MACF1: variants seen among roughly 807,000 people sequenced by gnomAD.
The protein encoded by MACF1 is microtubule-actin cross-linking factor 1.
A neutral mutation model predicts 854.8 loss-of-function variants in MACF1; 193 were observed. That is an observed-to-expected ratio of 0.23 (90% CI 0.20 to 0.25). The LOEUF (loss-of-function observed/expected upper bound fraction) is 0.25. MACF1 is among the 10% of genes least tolerant of loss of function. MACF1 has a pLI of 1.00. For missense variants in MACF1, 7,722 were observed against 8,929.1 expected (o/e 0.86, Z 5.45); for synonymous variants, 3,185 against 3,226.7 (o/e 0.99, Z 0.44).
At chr1:39,285,972 G>T (rs560197493) in intron 14 of MACF1, among the ~76,000 whole-genome samples, 11 of 152,254 alleles carry the variant, frequency 7.2e-5, no homozygotes, top group Admixed American at 2.0e-4. Flanking sequence ...GTACCTATAG[G>T]ATTACTTCAA....
chr1:39,117,326 C>T (rs995945992), intron 2 of MACF1, among the ~76,000 whole-genome samples: 4 of 152,020 alleles, frequency 2.6e-5, no homozygotes, highest in South Asian at 2.1e-4. Flanking sequence ...TGGCACATTC[C>T]GCATCTTTGT....
chr1:39,254,339 T>C lies in MACF1; in HGVS notation c.399T>C (p.Asn133=). ...KGRMRFHRLQ[N]VQIALDFLKQ... ...GGATGCGTTTTCATAGGCTGCAGAA[T>C]GTGCAGATTGCCCTGGACTTCCTAA... Residue 133 remains asparagine (N), a synonymous_variant, in exon 5 of 101, where the codon AAT becomes AAC. Transcript: ENST00000564288. 3 of 1,614,206 alleles carry C rather than the reference T, an allele frequency of 1.9e-6. No individual in the cohort carries two copies. Among genetic ancestry groups the C allele is most frequent in the Non-Finnish European group, 8.5e-7 (1 of 1,180,026 alleles).
rs1021766100 is a variant in MACF1, at chr1:39,258,093, C to A, written c.528+65C>A. ...GGACATGGCCTAGAAAGTTGCACTG[C>A]CTTCCACAGACAGCATTGAGCCTTC... is the stretch of plus-strand genomic sequence containing the variant. On this transcript the variant is annotated intron_variant, in intron 6 of 100. Coordinates refer to ENST00000564288, the MANE Select transcript of MACF1 (RefSeq NM_001394062.1). 3.2e-6 allele frequency: 4 copies of A among 1,249,900 alleles called. No individual in the cohort carries two copies. In the African/African-American group the frequency reaches 5.9e-5, roughly 18 times the overall value. The allele number at this position is 1,249,900 out of a possible 1,614,324, so 77.4% of individuals were successfully genotyped here.
rs148482395 is a variant in MACF1, at chr1:39,262,160, G to A, written c.528+4132G>A. Among the ~76,000 whole-genome samples, 814 of 152,140 alleles carry A rather than the reference G, an allele frequency of 5.4e-3. 5 individuals carry two copies. The highest frequency in any genetic ancestry group is 0.019 in the African/African-American group (786 of 41,506). On this transcript the variant is annotated intron_variant, in intron 6 of 100. Coordinates refer to ENST00000564288, the MANE Select transcript of MACF1 (RefSeq NM_001394062.1). Reference sequence around the variant, plus strand: ...CTCACACCTGTAATCCCAGCACTTCGGGAGGCCTAGGTGGGCAGATCACTT... The same window carrying A: ...CTCACACCTGTAATCCCAGCACTTCAGGAGGCCTAGGTGGGCAGATCACTT...
chr1:39,436,071 C>A, intron 70 of MACF1: 1 of 407,672 alleles, frequency 2.5e-6, no homozygotes, highest in Non-Finnish European at 4.4e-6. Flanking sequence ...GATTCAAAAG[C>A]AGTGACTGCC....
intron 58 of MACF1, among the ~76,000 whole-genome samples, chr1:39,420,204 A>G (rs1252571697): frequency 6.6e-6 from 1 of 152,224 alleles, no homozygotes; most frequent in Non-Finnish European, 1.5e-5. Flanking sequence ...TGTCAGTTGT[A>G]GAGTGAGATA....
At chr1:39,299,937 A>C (rs1428563588) in intron 21 of MACF1, among the ~76,000 whole-genome samples, 1 of 152,150 alleles carries the variant, frequency 6.6e-6, no homozygotes. Context: ...ATTTGTTTTT[A>C]TTTTGATTTT....
At position 39,315,450 on chromosome 1, in the gene MACF1, A is replaced by G. The variant is rs573607879; in HGVS notation, c.3271-63A>G. 21 of 1,495,184 alleles carry G rather than the reference A, an allele frequency of 1.4e-5. 1 individual carries two copies. Among genetic ancestry groups the G allele is most frequent in the African/African-American group, 1.1e-4 (8 of 72,016 alleles). The allele number at this position is 1,495,184 out of a possible 1,614,324, so 92.6% of individuals were successfully genotyped here. On this transcript the variant is annotated intron_variant, in intron 26 of 100. Coordinates refer to ENST00000564288, the MANE Select transcript of MACF1 (RefSeq NM_001394062.1). The stretch of plus-strand genomic sequence containing the variant: ...CAATATTTAGCTATTACAAATGTGG[A>G]CTTCTTTCTACCTTTTTTGTTCAAT...
At chr1:39,120,868 TAGTTA>T (rs1257004323) in intron 2 of MACF1, 5 of 152,250 alleles carry the variant, frequency 3.3e-5, no homozygotes, top group Non-Finnish European at 5.9e-5. Flanking sequence ...TTAAAATGTA[TAGTTA>T]AGTTATTATT....
intron 49 of MACF1, among the ~76,000 whole-genome samples, chr1:39,363,859 G>T (rs954261001): frequency 6.6e-6 from 1 of 151,994 alleles, no homozygotes; most frequent in African/African-American, 2.4e-5. Flanking sequence ...TGATCTGCCC[G>T]CCTCGGCCTC....
intron 84 of MACF1, among the ~76,000 whole-genome samples, chr1:39,449,396 C>T (rs536811240): frequency 6.6e-6 from 1 of 151,890 alleles, no homozygotes; most frequent in Non-Finnish European, 1.5e-5. Context: ...CCTATTTGTA[C>T]TTTTTTTTGT....
rs1458310584 is a variant in MACF1 at position 39,310,874 on chromosome 1, G to A, written c.3144G>A (p.Leu1048=). ...TGGCCAAGATGTACATTTCAGAGTT[G>A]AAGAACATCCGGCTACGCCTGGAGG... ...ETVAKMYISE[L]KNIRLRLEEY... is the part of the protein sequence containing the mutation. The change falls in exon 26 of 101, where the codon TTG becomes TTA. Residue 1048 remains leucine, a synonymous_variant. Coordinates refer to ENST00000564288, the MANE Select transcript of MACF1 (RefSeq NM_001394062.1). 1.9e-6 allele frequency: 3 copies of A among 1,613,906 alleles called. No homozygotes were observed. The highest frequency in any genetic ancestry group is 2.5e-6 in the Non-Finnish European group (3 of 1,179,972).
At chr1:39,443,372 A>C (rs570196632) in intron 78 of MACF1, 74 bp from the exon 79 acceptor site, 1 of 1,496,104 alleles carries the variant, frequency 6.7e-7, no homozygotes, top group South Asian at 1.3e-5. Context: ...TAAACTCCTC[A>C]TATCATTTGG....
At chr1:39,094,325 G>A (rs905523815) in intron 2 of MACF1, among the ~76,000 whole-genome samples, 1 of 151,828 alleles carries the variant, frequency 6.6e-6, no homozygotes, top group African/African-American at 2.4e-5. Flanking sequence ...TCGCTTGAAC[G>A]CGGGAGGTGG....
At position 39,322,689 on chromosome 1, in the gene MACF1, T is replaced by A; in HGVS notation, c.4111T>A (p.Ser1371Thr). Residue 1371 changes from serine to threonine, a missense_variant, in exon 32 of 101, where the codon TCC becomes ACC. Physicochemically the swap from Ser to Thr is moderately conservative, Grantham distance 58 (BLOSUM62 1). Around this residue, in one of 15 missense-constraint regions of MACF1, gnomAD observed 1,137 missense variants for 1,263.0 expected, o/e 0.90. Transcript: ENST00000564288. ...KSPGKRRRML[S>T]SSDAITQEFM... ...CCCTGGCAAGCGCCGTCGCATGCTT[T>A]CCTCTTCAGATGCCATCACTCAAGA... is the stretch of plus-strand genomic sequence containing the variant. 1 of 1,614,114 alleles carries A rather than the reference T, an allele frequency of 6.2e-7. No individual in the cohort carries two copies. Among genetic ancestry groups the A allele is most frequent in the Non-Finnish European group, 8.5e-7 (1 of 1,179,998 alleles).
rs186628060 is a variant in MACF1 at position 39,293,669 on chromosome 1, A to C, written c.2154+50A>C. On this transcript the variant is annotated intron_variant, in intron 18 of 100. Coordinates refer to ENST00000564288, the MANE Select transcript of MACF1 (RefSeq NM_001394062.1). ...TGTCATACTTATTTAACAGCAGCAG[A>C]AGGAGACAGGGCCTAGTCTGCTGAA... is the stretch of plus-strand genomic sequence containing the variant. 190 of 1,565,846 alleles carry C rather than the reference A, an allele frequency of 1.2e-4. No individual in the cohort carries two copies. In the African/African-American group the frequency reaches 2.1e-3, roughly 18 times the overall value.
At chr1:39,391,118 A>C (rs1642017282) in intron 58 of MACF1, among the ~76,000 whole-genome samples, 1 of 152,016 alleles carries the variant, frequency 6.6e-6, no homozygotes, top group Non-Finnish European at 1.5e-5. Context: ...CTCAAAAAAA[A>C]AAAAACACAC....
intron 2 of MACF1, among the ~76,000 whole-genome samples, chr1:39,098,060 C>T (rs1641979312): frequency 2.0e-5 from 3 of 152,230 alleles, no homozygotes; most frequent in Admixed American, 6.5e-5. Flanking sequence ...AGGATCCACA[C>T]AGGGTAAGAC....
chr1:39,254,512 C>A (rs1399873341), intron 5 of MACF1, 137 bp downstream of exon 5: 1 of 713,682 alleles, frequency 1.4e-6, no homozygotes, highest in South Asian at 1.7e-5. Context: ...TCTTAACTTG[C>A]TAGTGAGCAA....
Sources: gnomAD v4.1 joint callset for allele counts (sites outside exome capture counted in the v4.1 genomes callset) on GRCh38, gnomAD v4.1.1 for gene constraint, gnomAD v4.1.1 regional missense constraint, MANE v1.5 for transcripts, NCBI Gene and HGNC (gene_info 2026-07-23, HGNC 2026-07-21) for gene names.